PRKCA: variants seen among roughly 807,000 people sequenced by gnomAD.
The protein encoded by PRKCA is protein kinase C alpha type.
A neutral mutation model predicts 87.0 loss-of-function variants in PRKCA; 27 were observed. The ratio of observed to expected loss-of-function variants is 0.31; its 90% confidence interval spans 0.23 to 0.43. PRKCA has a LOEUF of 0.43. Ranked by LOEUF, PRKCA falls within the 20% of genes least tolerant of loss-of-function variation. The probability of loss-of-function intolerance (pLI) is 1.00; values close to 1 mark genes in which losing one functional copy is unlikely to be tolerated. For missense variants in PRKCA, 518 were observed against 852.3 expected, an observed-to-expected ratio of 0.61 and a Z score of 4.88; for synonymous variants, 329 against 311.1, an observed-to-expected ratio of 1.06 and a Z score of -0.61.
chr17:66,638,653 C>A (rs1319801400), intron 3 of PRKCA, among the ~76,000 whole-genome samples: 1 of 152,106 alleles, frequency 6.6e-6, no homozygotes, highest in Non-Finnish European at 1.5e-5. Context: ...TCAAGACCAT[C>A]CTGGCTAACA....
intron 2 of PRKCA, among the ~76,000 whole-genome samples, chr17:66,327,400 G>A (rs1211189228): frequency 1.3e-5 from 2 of 151,552 alleles, no homozygotes; most frequent in Non-Finnish European, 2.9e-5. Context: ...GCTGGGTGTG[G>A]TGGTGTGTGC....
chr17:66,678,589 G>A (rs1972399063), intron 5 of PRKCA, among the ~76,000 whole-genome samples: 1 of 151,942 alleles, frequency 6.6e-6, no homozygotes, highest in Non-Finnish European at 1.5e-5. Context: ...TCATCTGGCA[G>A]GCACCCCACA....
chr17:66,362,806 T>C (rs1033915120), intron 2 of PRKCA, among the ~76,000 whole-genome samples: 2 of 152,136 alleles, frequency 1.3e-5, no homozygotes, highest in African/African-American at 2.4e-5. Context: ...GCAATTCTTA[T>C]GCCTCAGTCA....
chr17:66,595,185 A>G (rs759118347), intron 3 of PRKCA, among the ~76,000 whole-genome samples: 32 of 152,216 alleles, frequency 2.1e-4, no homozygotes, highest in Non-Finnish European at 4.1e-4. Context: ...TTAAAAAATT[A>G]TAGATAAGAT....
intron 5 of PRKCA, among the ~76,000 whole-genome samples, chr17:66,673,045 G>A (rs146698126): frequency 2.6e-5 from 4 of 152,114 alleles, no homozygotes; most frequent in Admixed American, 2.0e-4. Context: ...ATCTTCCTAC[G>A]TTGTTTATGC....
intron 2 of PRKCA, among the ~76,000 whole-genome samples, chr17:66,384,065 G>A (rs915559623): frequency 6.6e-5 from 10 of 152,206 alleles, no homozygotes; most frequent in African/African-American, 2.2e-4. Flanking sequence ...TGTATTTAAT[G>A]GGGCACCTAG....
intron 2 of PRKCA, among the ~76,000 whole-genome samples, chr17:66,345,112 G>A (rs1209115092): frequency 1.3e-5 from 2 of 151,790 alleles, no homozygotes; most frequent in East Asian, 1.9e-4. Context: ...CCTTTCCCCC[G>A]CACCCTCTAT....
At chr17:66,545,295 G>T (rs1217888947) in intron 3 of PRKCA, among the ~76,000 whole-genome samples, 2 of 152,150 alleles carry the variant, frequency 1.3e-5, no homozygotes, top group African/African-American at 2.4e-5. Flanking sequence ...CAGGCGTGGT[G>T]GCGGGTGCCT....
intron 2 of PRKCA, among the ~76,000 whole-genome samples, chr17:66,350,074 G>A (rs1326359574): frequency 1.3e-5 from 2 of 152,200 alleles, no homozygotes; most frequent in Non-Finnish European, 2.9e-5. Flanking sequence ...TCGGGCTAGT[G>A]TCCTCAGAGC....
In PRKCA at chr17:66,733,019, T is replaced by C. The variant is rs1488026769; in HGVS notation, c.1056+194T>C. 4.0e-5 allele frequency among the ~76,000 whole-genome samples: 6 copies of C among 151,718 alleles called. No individual in the cohort carries two copies. In the East Asian group the frequency reaches 1.2e-3, roughly 30 times the overall value. ...ACAAAAAATTAGCTGGGCATGGTGG[T>C]GGGCGCCTGTAGTCCCAGCTACTTG... On this transcript the variant is annotated intron_variant, in intron 9 of 16. Transcript: ENST00000413366.
At chr17:66,360,673 A>G (rs527320894) in intron 2 of PRKCA, among the ~76,000 whole-genome samples, 3 of 152,140 alleles carry the variant, frequency 2.0e-5, no homozygotes. Context: ...TTTAAGGGAT[A>G]AGTGGTTCCT....
intron 6 of PRKCA, among the ~76,000 whole-genome samples, chr17:66,688,014 C>T (rs904078914): frequency 2.0e-5 from 3 of 152,166 alleles, no homozygotes; most frequent in Admixed American, 2.0e-4. Flanking sequence ...ACCGGTATAA[C>T]TTTCTAGTGC....
intron 2 of PRKCA, among the ~76,000 whole-genome samples, chr17:66,448,813 G>A (rs1914163477): frequency 6.6e-6 from 1 of 151,626 alleles, no homozygotes; most frequent in Admixed American, 6.6e-5. Flanking sequence ...TGAGTCTAAT[G>A]GTATCAAATA....
chr17:66,470,415 A>G (rs1489099557), intron 2 of PRKCA, among the ~76,000 whole-genome samples: 2 of 150,956 alleles, frequency 1.3e-5, no homozygotes, highest in Non-Finnish European at 2.9e-5. Context: ...TTTAGTAGAA[A>G]CGGGGTTTCA....
chr17:66,651,075 A>G (rs1971580416), intron 5 of PRKCA, among the ~76,000 whole-genome samples: 2 of 152,136 alleles, frequency 1.3e-5, no homozygotes, highest in African/African-American at 4.8e-5. Context: ...GGGAGGCAGC[A>G]GGTGACAGCT....
intron 2 of PRKCA, among the ~76,000 whole-genome samples, chr17:66,488,928 T>G (rs1233767347): frequency 6.6e-6 from 1 of 152,176 alleles, no homozygotes; most frequent in Non-Finnish European, 1.5e-5. Flanking sequence ...AGATATAATA[T>G]AAGCTCACTT....
At chr17:66,324,807 C>T (rs1474964891) in intron 2 of PRKCA, among the ~76,000 whole-genome samples, 1 of 152,174 alleles carries the variant, frequency 6.6e-6, no homozygotes, top group East Asian at 1.9e-4. Flanking sequence ...TTGCCAGATA[C>T]TATGGCAGAT....
chr17:66,772,737 A>T (rs1268176090), intron 13 of PRKCA, among the ~76,000 whole-genome samples: 1 of 152,182 alleles, frequency 6.6e-6, no homozygotes, highest in Non-Finnish European at 1.5e-5. Flanking sequence ...AAGGGAGGTT[A>T]TAGAATTATT....
At chr17:66,555,766 A>G (rs1053688803) in intron 3 of PRKCA, among the ~76,000 whole-genome samples, 3 of 152,108 alleles carry the variant, frequency 2.0e-5, no homozygotes, top group Non-Finnish European at 4.4e-5. Flanking sequence ...ATTATGAACT[A>G]CCACAGTTGA....
Sources: gnomAD v4.1 joint callset for allele counts (sites outside exome capture counted in the v4.1 genomes callset) on GRCh38, gnomAD v4.1.1 for gene constraint, MANE v1.5 for transcripts, NCBI Gene and HGNC (gene_info 2026-07-23, HGNC 2026-07-21) for gene names.